PDGFD: variants seen among roughly 807,000 people sequenced by gnomAD.
PDGFD encodes platelet-derived growth factor D.
In PDGFD, 30 loss-of-function variants were observed where a neutral mutation model predicts 44.7. The observed-to-expected ratio is 0.67, with a 90% CI of 0.50 to 0.91. PDGFD has a LOEUF of 0.91. PDGFD is among the 40% of genes least tolerant of loss of function. The probability of loss-of-function intolerance (pLI) is 0.00; values close to 1 mark genes in which losing one functional copy is unlikely to be tolerated. For synonymous variants in PDGFD, 173 were observed against 168.4 expected (o/e 1.03, Z -0.21); for missense variants, 445 against 457.8 (o/e 0.97, Z 0.25).
rs778814876 is a variant in PDGFD at position 104,037,829 on chromosome 11, G to A, written c.125-37574C>T. 6.8e-6 allele frequency: 11 copies of A among 1,613,968 alleles called. No individual in the cohort carries two copies. In the Middle Eastern group the frequency reaches 6.6e-4, roughly 96 times the overall value. On this transcript the variant is annotated intron_variant, in intron 1 of 6. Coordinates refer to ENST00000393158, the MANE Select transcript of PDGFD (RefSeq NM_025208.5). ...ATGCTTCTAGGCCTAGATATGCTCC[G>A]GAGACATCAATGTTCCATCGATTTG...
chr11:103,998,722 T>C (rs1005604071), intron 2 of PDGFD, among the ~76,000 whole-genome samples: 1 of 152,154 alleles, frequency 6.6e-6, no homozygotes, highest in Non-Finnish European at 1.5e-5. Flanking sequence ...GCAACTGACA[T>C]AGAACATGGA....
intron 1 of PDGFD, among the ~76,000 whole-genome samples, chr11:104,086,349 A>G (rs189680): frequency 0.16 from 24,719 of 152,198 alleles, 2,229 homozygotes; most frequent in East Asian, 0.33. Flanking sequence ...GAATTTTGCA[A>G]AAAAGAAGAA....
intron 1 of PDGFD, among the ~76,000 whole-genome samples, chr11:104,013,308 G>C (rs1027374513): frequency 6.6e-6 from 1 of 152,092 alleles, no homozygotes; most frequent in African/African-American, 2.4e-5. Flanking sequence ...TACCAGACAA[G>C]AACCCAGGTA....
chr11:104,076,707 C>T (rs1274353584), intron 1 of PDGFD, among the ~76,000 whole-genome samples: 3 of 152,082 alleles, frequency 2.0e-5, no homozygotes, highest in South Asian at 4.1e-4. Flanking sequence ...ACAATTGACC[C>T]TTGAACAACA....
At chr11:103,966,629 G>T (rs1859024656) in intron 3 of PDGFD, among the ~76,000 whole-genome samples, 1 of 152,112 alleles carries the variant, frequency 6.6e-6, no homozygotes, top group Admixed American at 6.6e-5. Flanking sequence ...TATTGCTTTT[G>T]GGAGCTGTTT....
At chr11:104,052,378 T>TTTATTA (rs1860554450) in intron 1 of PDGFD, among the ~76,000 whole-genome samples, 1 of 152,208 alleles carries the variant, frequency 6.6e-6, no homozygotes, top group South Asian at 2.1e-4. Context: ...AAAAGCTTAT[T>TTTATTA]TTATTAATTT....
chr11:104,164,001 G>A lies in PDGFD; in HGVS notation c.-74C>T, dbSNP rs1021916482. The A allele has an allele frequency of 3.3e-5, 48 of 1,433,536 alleles. No individual in the cohort carries two copies. The South Asian group carries it at 6.8e-4, about 20-fold the overall frequency. The allele number at this position is 1,433,536 out of a possible 1,614,324, so 88.8% of individuals were successfully genotyped here. On this transcript the variant is annotated 5_prime_UTR_variant, in exon 1 of 7. Coordinates refer to ENST00000393158, the MANE Select transcript of PDGFD (RefSeq NM_025208.5). ...CTGCTCCCGGGACCGACGCCGCGCC[G>A]CCCTGCGCTCTCGCCGCCTGCGCTC...
At chr11:104,065,516 T>C (rs1240834377) in intron 1 of PDGFD, among the ~76,000 whole-genome samples, 1 of 152,130 alleles carries the variant, frequency 6.6e-6, no homozygotes, top group Non-Finnish European at 1.5e-5. Flanking sequence ...GACCTAACAG[T>C]TACTGGCAAA....
In PDGFD at chr11:104,044,831, G is replaced by T. The variant is rs112868243; in HGVS notation, c.125-44576C>A. ...AGGTGAACGGATCACGAGGTCAGAAGATGGAGACCATCCTGGCTAAAATGG... is the reference window on the plus strand; with the variant it reads ...AGGTGAACGGATCACGAGGTCAGAATATGGAGACCATCCTGGCTAAAATGG... On this transcript the variant is annotated intron_variant, in intron 1 of 6. Transcript: ENST00000393158. Among the ~76,000 whole-genome samples, 553 of 152,294 alleles carry T rather than the reference G, an allele frequency of 3.6e-3. 6 individuals are homozygous for T. The highest frequency in any genetic ancestry group is 0.011 in the South Asian group (53 of 4,824).
chr11:104,076,025 C>T (rs899419391), intron 1 of PDGFD, among the ~76,000 whole-genome samples: 5 of 152,180 alleles, frequency 3.3e-5, no homozygotes, highest in African/African-American at 9.7e-5. Flanking sequence ...GTGGAGGTAA[C>T]AGAATCATGG....
chr11:104,025,948 T>C (rs1860036892), intron 1 of PDGFD, among the ~76,000 whole-genome samples: 1 of 152,214 alleles, frequency 6.6e-6, no homozygotes, highest in Non-Finnish European at 1.5e-5. Context: ...AGGCACCACA[T>C]GGGCTCTCTA....
At chr11:104,011,209 G>C (rs938828855) in intron 1 of PDGFD, among the ~76,000 whole-genome samples, 7 of 152,074 alleles carry the variant, frequency 4.6e-5, no homozygotes, top group Non-Finnish European at 8.8e-5. Flanking sequence ...GTGCTAGTCT[G>C]TACAGACAAA....
intron 1 of PDGFD, among the ~76,000 whole-genome samples, chr11:104,060,368 G>A (rs1198225201): frequency 6.6e-6 from 1 of 152,128 alleles, no homozygotes; most frequent in Non-Finnish European, 1.5e-5. Flanking sequence ...ATGCTTCTCT[G>A]GACCAGGTAG....
intron 3 of PDGFD, among the ~76,000 whole-genome samples, chr11:103,973,337 C>G (rs1403160037): frequency 2.0e-5 from 3 of 149,372 alleles, no homozygotes; most frequent in Non-Finnish European, 4.4e-5. Context: ...TTAGTAGAGA[C>G]GAGGTTTCAC....
chr11:103,909,418 A>T lies in PDGFD; in HGVS notation c.*276T>A. On this transcript the variant is annotated 3_prime_UTR_variant, in exon 7 of 7. Coordinates refer to ENST00000393158, the MANE Select transcript of PDGFD (RefSeq NM_025208.5). ...CAAAAAAAACATTTGATCTATATAC[A>T]CATAGACATGAATATATTTCTGTGT... The T allele has an allele frequency of 2.7e-6, 1 of 365,098 alleles. No individual in the cohort carries two copies. The highest frequency in any genetic ancestry group is 5.1e-6 in the Non-Finnish European group (1 of 195,772). The allele number at this position is 365,098 out of a possible 1,614,324, so 22.6% of individuals were successfully genotyped here. A position where few individuals can be genotyped will look rare whatever the true frequency, so the allele number is the denominator to read the frequency against.
intron 1 of PDGFD, among the ~76,000 whole-genome samples, chr11:104,089,750 CTTAACA>C (rs997166698): frequency 1.3e-5 from 2 of 152,058 alleles, no homozygotes; most frequent in African/African-American, 4.8e-5. Context: ...ATGCAGCCTT[CTTAACA>C]TTAAGAAAAA....
At chr11:104,015,062 T>TA (rs914293258) in intron 1 of PDGFD, among the ~76,000 whole-genome samples, 4 of 152,206 alleles carry the variant, frequency 2.6e-5, no homozygotes, top group Non-Finnish European at 4.4e-5. Context: ...AGATAGAACT[T>TA]ACTATTCCCG....
chr11:104,071,351 A>G (rs778807444), intron 1 of PDGFD, among the ~76,000 whole-genome samples: 2 of 151,238 alleles, frequency 1.3e-5, no homozygotes, highest in Non-Finnish European at 3.0e-5. Context: ...TATGTATTAT[A>G]TTTCTTTGTG....
chr11:104,114,562 T>C (rs1048442036), intron 1 of PDGFD, among the ~76,000 whole-genome samples: 18 of 151,984 alleles, frequency 1.2e-4, no homozygotes, highest in Non-Finnish European at 1.5e-4. Flanking sequence ...TCCTTTAATA[T>C]TGTATTATCT....
Sources: allele counts gnomAD v4.1 joint callset (sites outside exome capture counted in the v4.1 genomes callset), GRCh38; gene constraint gnomAD v4.1.1; transcripts MANE v1.5; gene names NCBI Gene and HGNC (gene_info 2026-07-23, HGNC 2026-07-21).